The following TENM1 variants were observed in gnomAD, a reference collection of about 807,000 sequenced individuals.
The protein encoded by TENM1 is teneurin transmembrane protein 1.
TENM1 carries 35 observed loss-of-function variants against 174.8 expected under a neutral mutation model. That is an observed-to-expected ratio of 0.20 (90% CI 0.15 to 0.27). The LOEUF is 0.27. Among genes scored for constraint, TENM1 ranks in the 10% least tolerant of loss-of-function variants. TENM1 has a pLI of 1.00. For synonymous variants in TENM1, 781 were observed against 798.7 expected (o/e 0.98, Z 0.37); for missense variants, 1,633 against 2,130.1 (o/e 0.77, Z 4.59).
intron 3 of TENM1, among the ~76,000 whole-genome samples, chrX:124,832,050 G>A (rs2056301001): frequency 9.0e-6 from 1 of 111,583 alleles, no homozygotes; most frequent in Non-Finnish European, 1.9e-5. Flanking sequence ...ATTTTTAACA[G>A]TGTTTTGTTT....
chrX:125,055,688 A>T, the TENM1 span, among the ~76,000 whole-genome samples: 2 of 112,051 alleles, frequency 1.8e-5, no homozygotes, highest in Admixed American at 9.5e-5. Flanking sequence ...GGAACAGACC[A>T]GTGCCGAGGA....
At chrX:124,816,959 T>C (rs1190505597) in intron 3 of TENM1, among the ~76,000 whole-genome samples, 2 of 110,867 alleles carry the variant, frequency 1.8e-5, no homozygotes, top group African/African-American at 6.6e-5. Flanking sequence ...TACATAGGTA[T>C]ATACGTGCCA....
chrX:125,075,409 T>C, the TENM1 span, among the ~76,000 whole-genome samples: 355 of 111,849 alleles, frequency 3.2e-3, no homozygotes, highest in African/African-American at 0.011. Flanking sequence ...ATTTGGGGTA[T>C]AGCCACTTTT....
the TENM1 span, among the ~76,000 whole-genome samples, chrX:125,068,386 T>C: frequency 9.0e-6 from 1 of 111,607 alleles, no homozygotes; most frequent in African/African-American, 3.3e-5. Flanking sequence ...GTCTAACAAA[T>C]GAAGTGAATG....
At chrX:125,154,840 T>C in the TENM1 span, among the ~76,000 whole-genome samples, 1 of 108,980 alleles carries the variant, frequency 9.2e-6, no homozygotes, top group African/African-American at 3.4e-5. Flanking sequence ...AGTTGTTCGT[T>C]CCTCCCGGTG....
intron 3 of TENM1, among the ~76,000 whole-genome samples, chrX:124,849,712 A>G (rs1200494322): frequency 1.8e-5 from 2 of 111,776 alleles, no homozygotes; most frequent in East Asian, 5.7e-4. Context: ...CTTCTGATTC[A>G]TAGCAACTGT....
intron 20 of TENM1, among the ~76,000 whole-genome samples, chrX:124,489,848 G>C (rs2047027801): frequency 9.0e-6 from 1 of 111,134 alleles, no homozygotes; most frequent in Admixed American, 9.6e-5. Flanking sequence ...ATTGAAGAAT[G>C]GTCTGCCCTT....
chrX:124,875,912 A>C, intron 3 of TENM1, among the ~76,000 whole-genome samples: 2 of 106,369 alleles, frequency 1.9e-5, no homozygotes, highest in African/African-American at 6.9e-5. Context: ...GTGCTTCCTC[A>C]CTTCAAATAA....
chrX:124,967,381 C>A (rs1483466110), upstream of TENM1, among the ~76,000 whole-genome samples: 1 of 111,445 alleles, frequency 9.0e-6, no homozygotes, highest in Non-Finnish European at 1.9e-5. Flanking sequence ...ATAAAATTCA[C>A]CTAACGTCTA....
intron 22 of TENM1, among the ~76,000 whole-genome samples, chrX:124,462,915 T>C (rs1286401170): frequency 8.9e-6 from 1 of 111,753 alleles, no homozygotes; most frequent in African/African-American, 3.3e-5. Flanking sequence ...TTCTCTAAAG[T>C]CCTTTAAGAG....
the TENM1 span, among the ~76,000 whole-genome samples, chrX:125,177,836 C>T: frequency 8.9e-6 from 1 of 112,202 alleles, no homozygotes; most frequent in South Asian, 3.7e-4. Context: ...TACATGGATG[C>T]ATTTCAGATC....
intron 14 of TENM1, among the ~76,000 whole-genome samples, chrX:124,548,073 T>C (rs1434902296): frequency 1.8e-5 from 2 of 111,925 alleles, no homozygotes; most frequent in Admixed American, 1.9e-4. Flanking sequence ...CCTGACCTCT[T>C]GATCCGCCCA....
At chrX:125,097,827 T>C in the TENM1 span, among the ~76,000 whole-genome samples, 1 of 112,419 alleles carries the variant, frequency 8.9e-6, no homozygotes, top group East Asian at 2.8e-4. Context: ...CAGCAAATAT[T>C]GTTGCTGTCT....
intron 10 of TENM1, among the ~76,000 whole-genome samples, chrX:124,644,161 C>CAT (rs1164749283): frequency 0.011 from 1,002 of 92,278 alleles, 16 homozygotes; most frequent in African/African-American, 0.039. Flanking sequence ...ATATATATGG[C>CAT]ATATATGGCA....
chrX:124,535,873 T>C (rs1433680931), intron 15 of TENM1, among the ~76,000 whole-genome samples: 1 of 112,080 alleles, frequency 8.9e-6, no homozygotes, highest in African/African-American at 3.2e-5. Flanking sequence ...AGTGACTACG[T>C]TGAGATTCCT....
chrX:124,644,436 T>C (rs1018260230), intron 10 of TENM1, among the ~76,000 whole-genome samples: 1 of 109,749 alleles, frequency 9.1e-6, no homozygotes, highest in Non-Finnish European at 1.9e-5. Context: ...CCCATGGTAA[T>C]GGTTTAATAT....
At chrX:124,899,562 T>C (rs892501497) in intron 1 of TENM1, among the ~76,000 whole-genome samples, 4 of 111,660 alleles carry the variant, frequency 3.6e-5, no homozygotes, top group Admixed American at 9.5e-5. Context: ...TTTGCTATTA[T>C]GAATAGTGCT....
At chrX:124,587,086 T>A (rs1386794466) in intron 11 of TENM1, among the ~76,000 whole-genome samples, 1 of 108,010 alleles carries the variant, frequency 9.3e-6, no homozygotes, top group Non-Finnish European at 1.9e-5. Flanking sequence ...GTAGGAAGAA[T>A]CAATATCGTG....
chrX:124,448,075 G>A (rs1289217288), intron 23 of TENM1, among the ~76,000 whole-genome samples: 1 of 111,471 alleles, frequency 9.0e-6, no homozygotes, highest in Non-Finnish European at 1.9e-5. Context: ...CCAGTGAATG[G>A]TACTACCATA....
Sources: gnomAD v4.1 joint callset for allele counts (sites outside exome capture counted in the v4.1 genomes callset) on GRCh38, gnomAD v4.1.1 for gene constraint, MANE v1.5 for transcripts, NCBI Gene and HGNC (gene_info 2026-07-23, HGNC 2026-07-21) for gene names.